The following GJC1 variants were observed in gnomAD, a reference collection of about 807,000 sequenced individuals.
The protein encoded by GJC1 is gap junction protein gamma 1.
Under a neutral mutation model 29.3 loss-of-function variants are expected in GJC1, and 5 were observed. That is an observed-to-expected ratio of 0.17 (90% CI 0.09 to 0.36). The LOEUF is 0.36. Among genes scored for constraint, GJC1 ranks in the 10% least tolerant of loss-of-function variants. The probability of loss-of-function intolerance (pLI) is 1.00; values close to 1 mark genes in which losing one functional copy is unlikely to be tolerated. For missense variants in GJC1, 310 were observed against 496.2 expected (o/e 0.62, Z 3.56); for synonymous variants, 177 against 183.3 (o/e 0.97, Z 0.28).
chr17:44,812,085 C>T (rs903823889), intron 1 of GJC1, among the ~76,000 whole-genome samples: 2 of 151,848 alleles, frequency 1.3e-5, no homozygotes, highest in Admixed American at 6.6e-5. Flanking sequence ...GAGCCCAAGG[C>T]GGATGGATCA....
intron 1 of GJC1, among the ~76,000 whole-genome samples, chr17:44,816,388 A>G (rs2050044187): frequency 1.3e-5 from 2 of 152,338 alleles, no homozygotes; most frequent in Admixed American, 1.3e-4. Flanking sequence ...TCAACATGGT[A>G]ATAAATTATG....
chr17:44,819,707 A>AAATAAAT (rs2050087419), intron 1 of GJC1, among the ~76,000 whole-genome samples: 2 of 145,900 alleles, frequency 1.4e-5, no homozygotes, highest in African/African-American at 5.2e-5. Context: ...AATAAATAAA[A>AAATAAAT]AGAATTTCCT....
rs2049803501 is a variant in GJC1 at position 44,798,658 on chromosome 17, C to T, written c.*5969G>A. The T allele has an allele frequency of 6.6e-6, 1 of 152,154 alleles. No individual in the cohort carries two copies. Among genetic ancestry groups the T allele is most frequent in the South Asian group, 2.1e-4 (1 of 4,824 alleles). 9.4% of individuals were successfully genotyped at this position (152,154 alleles called of 1,614,324 possible). Reference sequence around the variant, plus strand: ...ACATGACATTAGATTGCTGGTTAACCATTTAATTTTACATTTAAATTATCT... The same window carrying T: ...ACATGACATTAGATTGCTGGTTAACTATTTAATTTTACATTTAAATTATCT... On this transcript the variant is annotated 3_prime_UTR_variant, in exon 3 of 3. Transcript: ENST00000592524.
chr17:44,817,076 G>A (rs1236622216), intron 1 of GJC1, among the ~76,000 whole-genome samples: 1 of 151,516 alleles, frequency 6.6e-6, no homozygotes, highest in Non-Finnish European at 1.5e-5. Flanking sequence ...AGGCGTGGTG[G>A]TGCATGCCTG....
At chr17:44,827,245 GGTTGCAGTGAGACAAGATAGCACC>G (rs1476382146) in intron 1 of GJC1, among the ~76,000 whole-genome samples, 35 of 152,140 alleles carry the variant, frequency 2.3e-4, no homozygotes, top group Non-Finnish European at 3.7e-4. Flanking sequence ...GGGAGGCGGA[GGTTGCAGTGAGACAAGATAGCACC>G]GTTGCAGTGA....
chr17:44,800,512 G>A lies in GJC1; in HGVS notation c.*4115C>T, dbSNP rs1245692078. 1.3e-5 allele frequency: 2 copies of A among 152,178 alleles called. No homozygotes were observed. The highest frequency in any genetic ancestry group is 2.9e-5 in the Non-Finnish European group (2 of 68,042). The allele number at this position is 152,178 out of a possible 1,614,324, so 9.4% of individuals were successfully genotyped here. A position where few individuals can be genotyped will look rare whatever the true frequency, so the allele number is the denominator to read the frequency against. ...CATACTTGCCTTTTACAGAAAGCTG[G>A]CTAGCCAAAAATGTATCATCAACTA... On this transcript the variant is annotated 3_prime_UTR_variant, in exon 3 of 3. Coordinates refer to ENST00000592524, the MANE Select transcript of GJC1 (RefSeq NM_005497.4).
chr17:44,813,773 G>GT (rs1469158613), intron 1 of GJC1, among the ~76,000 whole-genome samples: 21 of 152,058 alleles, frequency 1.4e-4, no homozygotes, highest in African/African-American at 5.1e-4. Flanking sequence ...GATTACAGGC[G>GT]TGAGTCACCA....
chr17:44,804,300 T>TAA lies in GJC1; in HGVS notation c.*325_*326dup, dbSNP rs199789186. 390 of 188,524 alleles carry TAA rather than the reference T, an allele frequency of 2.1e-3. 1 individual carries two copies. The highest frequency in any genetic ancestry group is 6.6e-3 in the Middle Eastern group (3 of 456). The allele number at this position is 188,524 out of a possible 1,614,324, so 11.7% of individuals were successfully genotyped here. A position where few individuals can be genotyped will look rare whatever the true frequency, so the allele number is the denominator to read the frequency against. Reference sequence around the variant, plus strand: ...ACAAATACAAAAAAAGTTCTCATACTAAAAAAAAAAAAGTACCATAATACT... The same window carrying TAA: ...ACAAATACAAAAAAAGTTCTCATACTAAAAAAAAAAAAAAGTACCATAATACT... On this transcript the variant is annotated 3_prime_UTR_variant, in exon 3 of 3. Coordinates refer to ENST00000592524, the MANE Select transcript of GJC1 (RefSeq NM_005497.4).
At chr17:44,795,440 G>A (rs988745906), downstream of GJC1, among the ~76,000 whole-genome samples, 3 of 152,142 alleles carry the variant, frequency 2.0e-5, no homozygotes, top group African/African-American at 7.2e-5. Flanking sequence ...CACCATCTTG[G>A]CCAGGCTGGT....
At chr17:44,818,508 T>TAA (rs11335815) in intron 1 of GJC1, among the ~76,000 whole-genome samples, 31 of 144,266 alleles carry the variant, frequency 2.1e-4, no homozygotes, top group East Asian at 1.6e-3. Flanking sequence ...AGTCTCATGT[T>TAA]AAAAAAAAAA....
At chr17:44,798,203 A>T (rs896700559), downstream of GJC1, among the ~76,000 whole-genome samples, 3 of 152,256 alleles carry the variant, frequency 2.0e-5, no homozygotes, top group African/African-American at 7.2e-5. Context: ...CAAATCAGCT[A>T]TGAAAAAAGG....
chr17:44,811,388 C>CTTT (rs573359174), intron 1 of GJC1, among the ~76,000 whole-genome samples: 9 of 128,062 alleles, frequency 7.0e-5, no homozygotes, highest in Admixed American at 1.6e-4. Context: ...GGCCTTTTTT[C>CTTT]TTTTTTTTTT....
At chr17:44,825,427 G>A (rs1172712531) in intron 1 of GJC1, among the ~76,000 whole-genome samples, 2 of 151,862 alleles carry the variant, frequency 1.3e-5, no homozygotes, top group Non-Finnish European at 2.9e-5. Flanking sequence ...CAGAGGTTGC[G>A]GTGAGCCGAG....
downstream of GJC1, among the ~76,000 whole-genome samples, chr17:44,797,272 AT>A (rs986412003): frequency 6.6e-6 from 1 of 151,704 alleles, no homozygotes; most frequent in Admixed American, 6.6e-5. Context: ...TGGCCGGCTA[AT>A]TTTTTTGTAT....
chr17:44,808,553 C>G (rs908139176), intron 1 of GJC1, among the ~76,000 whole-genome samples: 3 of 151,868 alleles, frequency 2.0e-5, no homozygotes. Flanking sequence ...GAGTTTGAGA[C>G]CAGCCTGGGC....
downstream of GJC1, among the ~76,000 whole-genome samples, chr17:44,797,061 A>C (rs2049788092): frequency 6.6e-6 from 1 of 152,074 alleles, no homozygotes; most frequent in South Asian, 2.1e-4. Flanking sequence ...TGTTGCCCAG[A>C]CTAGGAATCT....
intron 1 of GJC1, among the ~76,000 whole-genome samples, chr17:44,827,350 A>AAC (rs1467168117): frequency 6.7e-6 from 1 of 148,818 alleles, no homozygotes; most frequent in Non-Finnish European, 1.5e-5. Context: ...CAAACAAACA[A>AAC]AAAAAAAAAA....
chr17:44,830,158 C>T lies in GJC1; in HGVS notation c.-193G>A, dbSNP rs1453676299. 1 of 153,420 alleles carries T rather than the reference C, an allele frequency of 6.5e-6. No homozygotes were observed. The highest frequency in any genetic ancestry group is 1.5e-5 in the Non-Finnish European group (1 of 68,552). 9.5% of individuals were successfully genotyped at this position (153,420 alleles called of 1,614,324 possible). A position where few individuals can be genotyped will look rare whatever the true frequency, so the allele number is the denominator to read the frequency against. ...TGCCCCGCGTCGCCATCGCCTTCAC[C>T]CTCGCCTCTCCTCCACCTCCTCCGC... is the stretch of plus-strand genomic sequence containing the variant. On this transcript the variant is annotated 5_prime_UTR_variant, in exon 1 of 3. Coordinates refer to ENST00000592524, the MANE Select transcript of GJC1 (RefSeq NM_005497.4). This position sits in a 1 kb window ranked among gnomAD's most constrained non-coding sequence, Gnocchi z 4.3.
intron 1 of GJC1, among the ~76,000 whole-genome samples, chr17:44,823,857 G>C (rs528398835): frequency 6.6e-6 from 1 of 151,364 alleles, no homozygotes; most frequent in Non-Finnish European, 1.5e-5. Context: ...GACTACTGGC[G>C]TGTGCCACCA....
Sources: gnomAD v4.1 joint callset for allele counts (sites outside exome capture counted in the v4.1 genomes callset) on GRCh38, gnomAD v4.1.1 for gene constraint, Gnocchi (gnomAD v3.1) non-coding constraint, MANE v1.5 for transcripts, NCBI Gene and HGNC (gene_info 2026-07-23, HGNC 2026-07-21) for gene names.